ARFGEF3: variants seen among roughly 807,000 people sequenced by gnomAD.
ARFGEF3 encodes the protein brefeldin A-inhibited guanine nucleotide-exchange protein 3.
Under a neutral mutation model 221.7 loss-of-function variants are expected in ARFGEF3, and 96 were observed. The ratio of observed to expected loss-of-function variants is 0.43; its 90% CI spans 0.37 to 0.51. The LOEUF is 0.51. Ranked by LOEUF, ARFGEF3 falls within the 20% of genes least tolerant of loss-of-function variation. ARFGEF3 has a pLI of 0.00. For synonymous variants in ARFGEF3, 1,145 were observed against 1,126.8 expected (o/e 1.02, Z -0.32); for missense variants, 2,410 against 2,789.9 (o/e 0.86, Z 3.07).
intron 2 of ARFGEF3, among the ~76,000 whole-genome samples, chr6:138,174,817 T>A (rs1422678108): frequency 6.6e-6 from 1 of 152,210 alleles, no homozygotes; most frequent in Non-Finnish European, 1.5e-5. Flanking sequence ...TCATGTTAAA[T>A]ATAGTCCCAT....
intron 6 of ARFGEF3, among the ~76,000 whole-genome samples, chr6:138,241,050 CTAGCGT>C (rs1454289100): frequency 1.3e-5 from 2 of 152,208 alleles, no homozygotes; most frequent in East Asian, 3.9e-4. Flanking sequence ...GATGCTGCTA[CTAGCGT>C]TATGCATTAG....
intron 2 of ARFGEF3, among the ~76,000 whole-genome samples, chr6:138,185,785 C>G (rs1029274380): frequency 1.3e-5 from 2 of 152,152 alleles, no homozygotes; most frequent in East Asian, 3.8e-4. Context: ...CCCATCCAGA[C>G]CTTGAACTCC....
At chr6:138,176,761 T>C (rs1313847922) in intron 2 of ARFGEF3, among the ~76,000 whole-genome samples, 1 of 152,184 alleles carries the variant, frequency 6.6e-6, no homozygotes, top group Non-Finnish European at 1.5e-5. Context: ...TATTTCCATG[T>C]TTAAGACTCC....
intron 12 of ARFGEF3, among the ~76,000 whole-genome samples, chr6:138,266,555 T>C (rs1778895751): frequency 6.6e-6 from 1 of 151,982 alleles, no homozygotes; most frequent in Admixed American, 6.5e-5. Context: ...TCTCTTAAGA[T>C]GTGCCATAGT....
At chr6:138,273,412 T>TTA (rs1779038983) in intron 12 of ARFGEF3, among the ~76,000 whole-genome samples, 1 of 152,188 alleles carries the variant, frequency 6.6e-6, no homozygotes, top group Non-Finnish European at 1.5e-5. Context: ...CACATCTTAA[T>TTA]TATAGAGAGA....
At chr6:138,298,543 T>C (rs1779564191) in intron 21 of ARFGEF3, 63 bp from the exon 22 acceptor site, 1 of 1,419,188 alleles carries the variant, frequency 7.0e-7, no homozygotes, top group African/African-American at 1.4e-5. Context: ...TAGGAAAGCC[T>C]TCAGAAACCA....
intron 8 of ARFGEF3, among the ~76,000 whole-genome samples, chr6:138,246,738 G>C (rs1446898235): frequency 6.6e-6 from 1 of 152,134 alleles, no homozygotes; most frequent in Non-Finnish European, 1.5e-5. Context: ...ATTCAAAGTA[G>C]CAAATGTGTA....
chr6:138,170,876 T>G (rs1405363106), intron 2 of ARFGEF3, among the ~76,000 whole-genome samples, 163 bp downstream of exon 2: 1 of 152,194 alleles, frequency 6.6e-6, no homozygotes, highest in Non-Finnish European at 1.5e-5. Context: ...TAGTTCATGG[T>G]TCTGGAGGCT....
rs1779305842 is a variant in ARFGEF3, at chr6:138,286,868, A to C, written c.2737A>C (p.Met913Leu). Residue 913 changes from methionine to leucine, a missense_variant, in exon 16 of 34, where the codon ATG becomes CTG. Met to Leu is a conservative substitution (Grantham distance 15). Around this residue, in one of 5 missense-constraint regions of ARFGEF3, gnomAD observed 594 missense variants for 734.3 expected, o/e 0.81. Transcript: ENST00000251691. ...CCAGAAGGAGCGGGACGCCATCTGC[A>C]TGAGCCTCGACGGGCTGCGGAAAGC... ...QNQKERDAIC[M>L]SLDGLRKAAR... is the part of the protein sequence containing the mutation. 1.2e-6 allele frequency: 2 copies of C among 1,613,784 alleles called. No homozygotes were observed. The highest frequency in any genetic ancestry group is 1.1e-5 in the South Asian group (1 of 91,078).
At chr6:138,256,751 A>G (rs7744564) in intron 10 of ARFGEF3, among the ~76,000 whole-genome samples, 4,328 of 152,144 alleles carry the variant, frequency 0.028, 233 homozygotes, top group African/African-American at 0.1. Context: ...TTTAATTCAT[A>G]ATAAATTTGT....
At chr6:138,234,244 A>G (rs1261098345) in intron 5 of ARFGEF3, among the ~76,000 whole-genome samples, 5 of 152,210 alleles carry the variant, frequency 3.3e-5, no homozygotes, top group Admixed American at 2.0e-4. Context: ...AGGTGCACGA[A>G]TCGATGGGTT....
At chr6:138,175,284 T>G (rs1180487733) in intron 2 of ARFGEF3, among the ~76,000 whole-genome samples, 1 of 152,230 alleles carries the variant, frequency 6.6e-6, no homozygotes, top group Non-Finnish European at 1.5e-5. Flanking sequence ...TCTTTCCACC[T>G]TCCTGCCCTT....
At position 138,253,885 on chromosome 6, in the gene ARFGEF3, G is replaced by A. The variant is rs1344518935; in HGVS notation, c.671G>A (p.Ser224Asn). 1 of 1,576,882 alleles carries A rather than the reference G, an allele frequency of 6.3e-7. No individual in the cohort carries two copies. The highest frequency in any genetic ancestry group is 8.6e-7 in the Non-Finnish European group (1 of 1,161,070). Residue 224 changes from serine (S) to asparagine (N), a missense_variant, in exon 9 of 34, where the codon AGC (serine) becomes AAC (asparagine). Ser to Asn is a conservative substitution (Grantham distance 46). This residue lies in a region of ARFGEF3 where 570 missense variants were observed against 586.9 expected (regional missense o/e 0.97). Transcript: ENST00000251691. The part of the protein sequence containing the change: ...CEKLQAAIND[S>N]QQLQLLYLEC... ...TCGGTTCTGCTCTTCTGCAGTGACAGCCAGCAGCTGCAGCTTCTCTACCTG... is the reference window on the plus strand; with the variant it reads ...TCGGTTCTGCTCTTCTGCAGTGACAACCAGCAGCTGCAGCTTCTCTACCTG...
chr6:138,164,892 A>C (rs1212059287), intron 1 of ARFGEF3, among the ~76,000 whole-genome samples: 1 of 152,200 alleles, frequency 6.6e-6, no homozygotes, highest in African/African-American at 2.4e-5. Flanking sequence ...CCATCATGTG[A>C]TGGGGAGGTC....
chr6:138,237,222 C>T (rs990616648), intron 5 of ARFGEF3, among the ~76,000 whole-genome samples: 1 of 152,112 alleles, frequency 6.6e-6, no homozygotes, highest in African/African-American at 2.4e-5. Flanking sequence ...AGTCTCTTGC[C>T]CATCTCAGTT....
intron 2 of ARFGEF3, among the ~76,000 whole-genome samples, chr6:138,191,676 A>T (rs1777306330): frequency 6.6e-6 from 1 of 152,188 alleles, no homozygotes; most frequent in South Asian, 2.1e-4. Context: ...ATGTATTAGC[A>T]CTTAGATGCC....
intron 2 of ARFGEF3, among the ~76,000 whole-genome samples, chr6:138,203,850 C>G (rs1030462372): frequency 6.6e-6 from 1 of 151,124 alleles, no homozygotes; most frequent in Non-Finnish European, 1.5e-5. Context: ...ACCATGTTGG[C>G]TAGGATGGTC....
chr6:138,274,916 T>G (rs796817916), intron 12 of ARFGEF3, among the ~76,000 whole-genome samples: 2 of 150,672 alleles, frequency 1.3e-5, no homozygotes, highest in South Asian at 4.2e-4. Context: ...TAGACCAACC[T>G]GACCAACACG....
At chr6:138,215,159 G>A (rs145431956) in intron 4 of ARFGEF3, among the ~76,000 whole-genome samples, 1 of 152,354 alleles carries the variant, frequency 6.6e-6, no homozygotes, top group African/African-American at 2.4e-5. Context: ...TCTGACGAGA[G>A]TAGTTAGGAC....
Sources: allele counts gnomAD v4.1 joint callset (sites outside exome capture counted in the v4.1 genomes callset), GRCh38; gene constraint gnomAD v4.1.1; regional missense constraint gnomAD v4.1.1; transcripts MANE v1.5; gene names NCBI Gene and HGNC (gene_info 2026-07-23, HGNC 2026-07-21).